CSMD2: variants seen among roughly 807,000 people sequenced by gnomAD.
CSMD2 encodes the protein CUB and Sushi multiple domains 2, also known as CUB and sushi domain-containing protein 2.
Under a neutral mutation model 398.5 loss-of-function variants are expected in CSMD2, and 130 were observed. The observed-to-expected ratio is 0.33, with a 90% confidence interval of 0.28 to 0.38. The LOEUF (loss-of-function observed/expected upper bound fraction) is 0.38, where lower values mean the gene tolerates loss of function less well. CSMD2 is among the 10% of genes least tolerant of loss of function. CSMD2 has a pLI of 1.00. For missense variants in CSMD2, 3,829 were observed against 4,764.9 expected, an observed-to-expected ratio of 0.80 and a Z score of 5.78; for synonymous variants, 1,828 against 1,908.5, an observed-to-expected ratio of 0.96 and a Z score of 1.10.
intron 9 of CSMD2, among the ~76,000 whole-genome samples, chr1:33,819,031 G>A (rs1258149392): frequency 2.0e-5 from 3 of 152,180 alleles, no homozygotes; most frequent in Admixed American, 6.5e-5. Flanking sequence ...TAGTGCACAG[G>A]GGCTCTCTCT....
At chr1:34,067,688 G>C (rs911590793) in intron 2 of CSMD2, among the ~76,000 whole-genome samples, 1 of 152,206 alleles carries the variant, frequency 6.6e-6, no homozygotes, top group African/African-American at 2.4e-5. Context: ...CCCCTTTCCA[G>C]AGCAGTTTGT....
chr1:34,147,265 AAAAAAAT>A (rs963399167), intron 1 of CSMD2, among the ~76,000 whole-genome samples: 4 of 152,012 alleles, frequency 2.6e-5, no homozygotes, highest in African/African-American at 9.7e-5. Flanking sequence ...CTCAAAAAAT[AAAAAAAT>A]AAAAAAATAA....
chr1:33,568,792 T>C (rs1473805289), intron 52 of CSMD2, among the ~76,000 whole-genome samples: 1 of 152,130 alleles, frequency 6.6e-6, no homozygotes. Flanking sequence ...GGACAGACCA[T>C]TCAATCTATC....
intron 41 of CSMD2, among the ~76,000 whole-genome samples, chr1:33,607,888 G>A (rs1640729319): frequency 6.6e-6 from 1 of 152,214 alleles, no homozygotes. Context: ...TCACATGTTG[G>A]GCCAACTCCT....
In CSMD2 at chr1:33,559,207, C is replaced by A; in HGVS notation, c.8554+93G>T. The A allele has an allele frequency of 8.4e-7, 1 of 1,191,324 alleles. No individual in the cohort carries two copies. Among genetic ancestry groups the A allele is most frequent in the African/African-American group, 1.5e-5 (1 of 66,548 alleles). 73.8% of individuals were successfully genotyped at this position (1,191,324 alleles called of 1,614,324 possible). A position where few individuals can be genotyped will look rare whatever the true frequency, so the allele number is the denominator to read the frequency against. ...CTTCCCTATCTGGATCAGAATGATGCCAGAATGAATTCACTGGCTTCTTTT... is the reference window on the plus strand; with the variant it reads ...CTTCCCTATCTGGATCAGAATGATGACAGAATGAATTCACTGGCTTCTTTT... On this transcript the variant is annotated intron_variant, in intron 54 of 70. Transcript: ENST00000373381. The surrounding 1 kb of genome is among the most constrained non-coding windows in gnomAD (Gnocchi z 4.0).
At chr1:33,724,743 T>C in intron 17 of CSMD2, 39 bp from the exon 18 acceptor site, 1 of 1,588,948 alleles carries the variant, frequency 6.3e-7, no homozygotes, top group Non-Finnish European at 8.6e-7. Context: ...GACAGCTTAC[T>C]GTCACTACAG....
intron 13 of CSMD2, among the ~76,000 whole-genome samples, chr1:33,745,130 T>C (rs4559461): frequency 6.6e-6 from 1 of 152,068 alleles, no homozygotes; most frequent in Non-Finnish European, 1.5e-5. Context: ...GTGATAAATA[T>C]GACCCTGTAG....
At chr1:33,569,687 T>C in intron 51 of CSMD2, 140 bp from the exon 52 acceptor site, 2 of 834,316 alleles carry the variant, frequency 2.4e-6, no homozygotes, top group South Asian at 3.7e-5. Flanking sequence ...TGGGTTGTGT[T>C]GCTGACTTGT....
chr1:34,049,833 T>C (rs1652975512), intron 2 of CSMD2, among the ~76,000 whole-genome samples: 1 of 152,172 alleles, frequency 6.6e-6, no homozygotes, highest in African/African-American at 2.4e-5. Context: ...CCAAAGTTTA[T>C]ATGTTGAATT....
chr1:33,677,601 T>C (rs1176380538), intron 25 of CSMD2, among the ~76,000 whole-genome samples: 1 of 152,176 alleles, frequency 6.6e-6, no homozygotes, highest in Admixed American at 6.5e-5. Context: ...AGCCATTCCA[T>C]TACTGGGTAT....
intron 44 of CSMD2, among the ~76,000 whole-genome samples, chr1:33,594,822 T>G (rs1204230587): frequency 6.6e-6 from 1 of 152,242 alleles, no homozygotes; most frequent in African/African-American, 2.4e-5. Context: ...TTTTCAGTCT[T>G]GCTATTTTTT....
intron 51 of CSMD2, 143 bp downstream of exon 51, chr1:33,571,389 C>T (rs1659580311): frequency 7.9e-6 from 4 of 504,028 alleles, no homozygotes; most frequent in Non-Finnish European, 9.5e-6. Context: ...GCTCCTGATT[C>T]TACTAGATGA....
chr1:33,728,779 A>G (rs1328241361), intron 15 of CSMD2, among the ~76,000 whole-genome samples: 1 of 152,214 alleles, frequency 6.6e-6, no homozygotes, highest in African/African-American at 2.4e-5. Context: ...GGCACGTACT[A>G]TTATCATCCT....
chr1:33,935,683 A>C, intron 4 of CSMD2, 77 bp downstream of exon 4: 1 of 1,427,758 alleles, frequency 7.0e-7, no homozygotes, highest in Non-Finnish European at 9.4e-7. Flanking sequence ...GCCCTTTGAG[A>C]CTGGATGTCA....
rs544825997 is a variant in CSMD2, at chr1:33,683,621, C to G, written c.4052+9309G>C. 2.6e-5 allele frequency among the ~76,000 whole-genome samples: 4 copies of G among 152,128 alleles called. No individual in the cohort carries two copies. In the East Asian group the frequency reaches 7.7e-4, roughly 29 times the overall value. ...GCCAATTCAACTACTCAGTGTAGCT[C>G]GGTTAGATTATCGTATGAGGATAAT... On this transcript the variant is annotated intron_variant, in intron 25 of 70. Coordinates refer to ENST00000373381, the MANE Select transcript of CSMD2 (RefSeq NM_001281956.2).
chr1:34,145,730 CT>C (rs1408336953), intron 1 of CSMD2, among the ~76,000 whole-genome samples: 3 of 152,154 alleles, frequency 2.0e-5, no homozygotes, highest in Non-Finnish European at 4.4e-5. Context: ...ATTTAGGAGT[CT>C]TTTCCCCTCC....
intron 50 of CSMD2, 106 bp from the exon 51 acceptor site, chr1:33,571,832 G>C (rs983960899): frequency 1.2e-6 from 1 of 819,950 alleles, no homozygotes; most frequent in Non-Finnish European, 1.7e-6. Context: ...CAATAATGAA[G>C]AATCCAGGAA....
intron 1 of CSMD2, among the ~76,000 whole-genome samples, chr1:34,148,719 T>C (rs1640012207): frequency 6.6e-6 from 1 of 152,170 alleles, no homozygotes; most frequent in Non-Finnish European, 1.5e-5. Context: ...TTTTGCCCCA[T>C]TTTACTAATG....
chr1:33,630,019 ATCTTTCTC>A (rs1398765942), intron 32 of CSMD2, among the ~76,000 whole-genome samples: 10 of 152,014 alleles, frequency 6.6e-5, no homozygotes, highest in South Asian at 4.2e-4. Context: ...GGTCTTATAC[ATCTTTCTC>A]TCTTTCTCTC....
Sources: allele counts gnomAD v4.1 joint callset (sites outside exome capture counted in the v4.1 genomes callset), GRCh38; gene constraint gnomAD v4.1.1; non-coding constraint Gnocchi (gnomAD v3.1); transcripts MANE v1.5; gene names NCBI Gene and HGNC (gene_info 2026-07-23, HGNC 2026-07-21).